Variants in KLHL29 observed in about 807,000 individuals in gnomAD.
KLHL29 encodes the protein kelch like family member 29, also known as kelch-like protein 29.
A neutral mutation model predicts 80.4 loss-of-function variants in KLHL29; 21 were observed. The ratio of observed to expected loss-of-function variants is 0.26; its 90% CI spans 0.19 to 0.38. The LOEUF (loss-of-function observed/expected upper bound fraction) is 0.38, where lower values mean the gene tolerates loss of function less well. Among genes scored for constraint, KLHL29 ranks in the 10% least tolerant of loss-of-function variants. The pLI is 1.00. For missense variants in KLHL29, 867 were observed against 1,223.9 expected (o/e 0.71, Z 4.35); for synonymous variants, 511 against 526.8 (o/e 0.97, Z 0.41).
chr2:23,650,187 A>G (rs1201527087), intron 5 of KLHL29, among the ~76,000 whole-genome samples: 1 of 152,194 alleles, frequency 6.6e-6, no homozygotes, highest in African/African-American at 2.4e-5. Flanking sequence ...GGTGCCAGCA[A>G]TAAGGGCCTC....
At chr2:23,659,508 G>A (rs1435631439) in intron 5 of KLHL29, among the ~76,000 whole-genome samples, 1 of 152,152 alleles carries the variant, frequency 6.6e-6, no homozygotes, top group Non-Finnish European at 1.5e-5. Context: ...TCCATTCTCA[G>A]CGCCGAGTCC....
intron 2 of KLHL29, among the ~76,000 whole-genome samples, chr2:23,506,473 C>G (rs1665601168): frequency 6.6e-6 from 1 of 152,206 alleles, no homozygotes; most frequent in African/African-American, 2.4e-5. Context: ...CCCCAAGAGC[C>G]ACTGCTCCTG....
chr2:23,643,051 GACAA>G (rs1385974066), intron 5 of KLHL29: 15 of 722,438 alleles, frequency 2.1e-5, no homozygotes, highest in Admixed American at 8.1e-5. Flanking sequence ...TGGAGGGCGG[GACAA>G]ACAAAGTGGG....
rs556807056 is a variant in KLHL29, at chr2:23,703,931, A to G, written c.2444+68A>G. On this transcript the variant is annotated intron_variant, in intron 13 of 13. Transcript: ENST00000486442. ...TGGGAGGAGGAGGGGTGTGACCACA[A>G]TGATTTCCTGCCATCAGTGACCATA... is the stretch of plus-strand genomic sequence containing the variant. 4.4e-5 allele frequency: 64 copies of G among 1,451,970 alleles called. No individual in the cohort carries two copies. In the Admixed American group the frequency reaches 8.0e-4, roughly 18 times the overall value. The allele number at this position is 1,451,970 out of a possible 1,614,324, so 89.9% of individuals were successfully genotyped here. A position where few individuals can be genotyped will look rare whatever the true frequency, so the allele number is the denominator to read the frequency against.
At chr2:23,552,073 C>T (rs1667145442) in intron 2 of KLHL29, among the ~76,000 whole-genome samples, 1 of 152,234 alleles carries the variant, frequency 6.6e-6, no homozygotes, top group Non-Finnish European at 1.5e-5. Flanking sequence ...TCCCAGAAGA[C>T]CTCCCCTCTG....
intron 3 of KLHL29, among the ~76,000 whole-genome samples, chr2:23,632,481 C>T (rs1669494155): frequency 2.0e-5 from 3 of 152,258 alleles, no homozygotes; most frequent in African/African-American, 7.2e-5. Flanking sequence ...CTCAAGTGCC[C>T]TGCAAAGGGA....
chr2:23,566,572 G>A (rs907118481), intron 3 of KLHL29, among the ~76,000 whole-genome samples: 1 of 152,228 alleles, frequency 6.6e-6, no homozygotes, highest in Non-Finnish European at 1.5e-5. Flanking sequence ...ATTTACCTCT[G>A]TGGTATAGGT....
intron 3 of KLHL29, among the ~76,000 whole-genome samples, chr2:23,570,556 T>C (rs1182083765): frequency 3.3e-5 from 5 of 152,212 alleles, no homozygotes; most frequent in African/African-American, 1.2e-4. Context: ...GGCCACACAG[T>C]TTCCCCTTGG....
intron 1 of KLHL29, among the ~76,000 whole-genome samples, chr2:23,442,095 CTTTATT>C (rs914463321): frequency 2.6e-5 from 4 of 152,014 alleles, no homozygotes; most frequent in African/African-American, 9.7e-5. Flanking sequence ...CACCAGGGTC[CTTTATT>C]TTTAATTTTT....
At chr2:23,432,666 CCT>C (rs1211518732) in intron 1 of KLHL29, among the ~76,000 whole-genome samples, 2 of 152,242 alleles carry the variant, frequency 1.3e-5, no homozygotes, top group Non-Finnish European at 2.9e-5. Context: ...CTCAGGGAAA[CCT>C]CTCTGAGGAG....
intron 6 of KLHL29, 84 bp from the exon 7 acceptor site, chr2:23,691,590 G>A (rs1209571637): frequency 2.6e-6 from 3 of 1,154,072 alleles, no homozygotes; most frequent in Admixed American, 2.0e-5. Context: ...CATGACCAAG[G>A]TGTGCAGGGA....
At chr2:23,565,234 T>C (rs75665814) in intron 3 of KLHL29, among the ~76,000 whole-genome samples, 5,787 of 152,230 alleles carry the variant, frequency 0.038, 167 homozygotes, top group Non-Finnish European at 0.062. Flanking sequence ...GTCCTTTTTT[T>C]TTCTTCTTCA....
chr2:23,405,677 A>AGCAG (rs1032326042), intron 1 of KLHL29, among the ~76,000 whole-genome samples: 1 of 152,172 alleles, frequency 6.6e-6, no homozygotes, highest in African/African-American at 2.4e-5. Flanking sequence ...ACAAGACTCG[A>AGCAG]GCAGGAGATG....
intron 2 of KLHL29, among the ~76,000 whole-genome samples, chr2:23,518,006 C>T (rs1251301550): frequency 6.6e-6 from 1 of 152,176 alleles, no homozygotes; most frequent in Non-Finnish European, 1.5e-5. Context: ...ATGAGAAGTC[C>T]CCTTTCCCAG....
rs115245357 is a variant in KLHL29, at chr2:23,476,556, G to A, written c.-46+889G>A. ...AATGTATCAAGCCATTTCGTATGTC[G>A]GTAAATAGAAATCTATATCACCATT... On this transcript the variant is annotated intron_variant, in intron 2 of 13. Coordinates refer to ENST00000486442, the MANE Select transcript of KLHL29 (RefSeq NM_052920.2). Among the ~76,000 whole-genome samples the A allele has an allele frequency of 8.0e-3, 1,222 of 152,064 alleles. 17 individuals are homozygous for A. Among genetic ancestry groups the A allele is most frequent in the African/African-American group, 0.027 (1,113 of 41,466 alleles).
At chr2:23,607,730 T>C (rs1226699005) in intron 3 of KLHL29, among the ~76,000 whole-genome samples, 4 of 152,186 alleles carry the variant, frequency 2.6e-5, no homozygotes, top group African/African-American at 9.7e-5. Context: ...GAACTGTGCA[T>C]GTGAGGGATC....
At chr2:23,637,494 C>T (rs1669646897) in intron 3 of KLHL29, among the ~76,000 whole-genome samples, 1 of 152,206 alleles carries the variant, frequency 6.6e-6, no homozygotes, top group Non-Finnish European at 1.5e-5. Flanking sequence ...GAGATTCACC[C>T]TTTTCCTTTG....
chr2:23,410,340 G>T (rs1268457195), intron 1 of KLHL29, among the ~76,000 whole-genome samples: 2 of 151,030 alleles, frequency 1.3e-5, no homozygotes, highest in Non-Finnish European at 3.0e-5. Flanking sequence ...GGGGTGGGGG[G>T]TTCGAGGGTG....
chr2:23,554,553 G>T (rs1667234922), intron 2 of KLHL29, among the ~76,000 whole-genome samples: 1 of 152,192 alleles, frequency 6.6e-6, no homozygotes, highest in South Asian at 2.1e-4. Context: ...CTGTGATCCT[G>T]TGTACAGTGT....
Sources: gnomAD v4.1 joint callset for allele counts (sites outside exome capture counted in the v4.1 genomes callset) on GRCh38, gnomAD v4.1.1 for gene constraint, MANE v1.5 for transcripts, NCBI Gene and HGNC (gene_info 2026-07-23, HGNC 2026-07-21) for gene names.